Variants in KCNMB3 observed in about 807,000 individuals in gnomAD.
KCNMB3 encodes calcium-activated potassium channel subunit beta-3.
KCNMB3 carries 18 observed loss-of-function variants against 11.9 expected under a neutral mutation model. That is an observed-to-expected ratio of 1.51 (90% confidence interval 1.04 to 2.23). The LOEUF (loss-of-function observed/expected upper bound fraction) is 2.23. Among genes scored for constraint, KCNMB3 ranks in the 30% most tolerant of loss-of-function variants. The pLI is 0.00. For missense variants in KCNMB3, 247 were observed against 329.4 expected (o/e 0.75, Z 1.94); for synonymous variants, 78 against 119.2 (o/e 0.65, Z 2.25).
chr3:179,263,421 G>A (rs1726283129), intron 1 of KCNMB3, among the ~76,000 whole-genome samples: 1 of 152,222 alleles, frequency 6.6e-6, no homozygotes, highest in South Asian at 2.1e-4. Flanking sequence ...TGAGGGAGCC[G>A]GCTCTAGCCT....
chr3:179,265,221 C>T (rs977695983), intron 1 of KCNMB3, among the ~76,000 whole-genome samples: 14 of 152,306 alleles, frequency 9.2e-5, no homozygotes, highest in Non-Finnish European at 1.8e-4. Context: ...TGTAGTCTGT[C>T]TGGTCCTTCT....
chr3:179,250,773 C>G lies in KCNMB3; in HGVS notation c.218G>C (p.Gly73Ala). ...GFSVLMFFLL[G>A]TTILKPFMLS... ...CATAAAAGGCTTTAGAATGGTTGTT[C>G]CGAGCAAGAAGAACATTAGGACTGA... The change falls in exon 1 of 3, where the codon GGA becomes GCA. Residue 73 changes from glycine (G) to alanine (A), a missense_variant. Physicochemically the swap from Gly to Ala is moderately conservative, Grantham distance 60. Around this residue, in one of 2 missense-constraint regions of KCNMB3, gnomAD observed 160 missense variants for 157.5 expected, o/e 1.02. Transcript: ENST00000392685. 6.2e-7 allele frequency: 1 copy of G among 1,614,132 alleles called. No individual in the cohort carries two copies. Among genetic ancestry groups the G allele is most frequent in the Non-Finnish European group, 8.5e-7 (1 of 1,180,036 alleles).
chr3:179,246,861 C>G (rs73882973), intron 1 of KCNMB3, among the ~76,000 whole-genome samples: 12,130 of 152,188 alleles, frequency 0.08, 583 homozygotes, highest in South Asian at 0.14. Flanking sequence ...CACAAGGCCC[C>G]GGTCAGAGCC....
At chr3:179,251,154 C>T, upstream of KCNMB3, 2 of 1,613,424 alleles carry the variant, frequency 1.2e-6, no homozygotes, top group Non-Finnish European at 8.5e-7. Context: ...GATATTGTAG[C>T]AAACAAGCCT....
chr3:179,258,043 C>T (rs1425838574), intron 1 of KCNMB3, among the ~76,000 whole-genome samples: 1 of 152,152 alleles, frequency 6.6e-6, no homozygotes, highest in Non-Finnish European at 1.5e-5. Context: ...CACCACCACG[C>T]CTGGCCAATT....
chr3:179,259,494 T>G lies in KCNMB3; in HGVS notation c.62+7155A>C. On this transcript the variant is annotated intron_variant, in intron 1 of 3. Transcript: ENST00000349697. ...TTCTTGGTCAAGTTTTCCATCCAACTTCATTTTAGGATTCTCTGGACAATC... is the reference window on the plus strand; with the variant it reads ...TTCTTGGTCAAGTTTTCCATCCAACGTCATTTTAGGATTCTCTGGACAATC... 5 of 1,612,630 alleles carry G rather than the reference T, an allele frequency of 3.1e-6. No individual in the cohort carries two copies. The South Asian group carries it at 5.5e-5, about 18-fold the overall frequency.
chr3:179,255,145 A>C (rs1029775221), upstream of KCNMB3, among the ~76,000 whole-genome samples: 1 of 150,482 alleles, frequency 6.6e-6, no homozygotes, highest in Non-Finnish European at 1.5e-5. Context: ...AGTCTGGGCA[A>C]CAGAGCAAGA....
At chr3:179,255,955 C>T (rs1725998131), upstream of KCNMB3, among the ~76,000 whole-genome samples, 1 of 152,118 alleles carries the variant, frequency 6.6e-6, no homozygotes, top group Admixed American at 6.5e-5. Context: ...ACAAAAAAAT[C>T]CTCTCAATGA....
downstream of KCNMB3, chr3:179,240,216 GTTCTT>G (rs1725418809): frequency 1.8e-6 from 1 of 558,674 alleles, no homozygotes. Flanking sequence ...CTGAATTTGA[GTTCTT>G]TTCAGTAATG....
intron 1 of KCNMB3, among the ~76,000 whole-genome samples, chr3:179,256,746 G>A (rs1726023096): frequency 6.6e-6 from 1 of 152,052 alleles, no homozygotes; most frequent in South Asian, 2.1e-4. Context: ...CAATAAAGAA[G>A]AGGGAAAAAC....
Position 179,243,047 on chromosome 3 carries a change from A to C in KCNMB3, c.685T>G (p.Leu229Val), listed in dbSNP as rs759724442. 3 of 1,594,372 alleles carry C rather than the reference A, an allele frequency of 1.9e-6. No individual in the cohort carries two copies. The highest frequency in any genetic ancestry group is 2.6e-6 in the Non-Finnish European group (3 of 1,170,444). ...CACAGTAAGGACAGGTGTTGTGTTAATCTCACCATGCCAACAATCAGGGCA... is the reference window on the plus strand; with the variant it reads ...CACAGTAAGGACAGGTGTTGTGTTACTCTCACCATGCCAACAATCAGGGCA... ...GGALIVGMVR[L>V]TQHLSLLCEK... Residue 229 changes from leucine (L) to valine (V), a missense_variant, in exon 3 of 3, where the codon TTA becomes GTA. By Grantham distance (32) the Leu-to-Val change is conservative (BLOSUM62 1). Transcript: ENST00000392685.
chr3:179,259,877 TGGA>T, intron 1 of KCNMB3: 1 of 1,613,504 alleles, frequency 6.2e-7, no homozygotes, highest in Admixed American at 1.7e-5. Flanking sequence ...CAGTTCCTGC[TGGA>T]GAACCAGGAA....
upstream of KCNMB3, among the ~76,000 whole-genome samples, chr3:179,253,720 C>T (rs757942606): frequency 5.3e-5 from 8 of 152,010 alleles, no homozygotes; most frequent in Non-Finnish European, 5.9e-5. Flanking sequence ...GCAGGAAAAT[C>T]GCTTGAACCC....
At chr3:179,260,216 G>A (rs1726158225) in intron 1 of KCNMB3, 1 of 1,613,694 alleles carries the variant, frequency 6.2e-7, no homozygotes, top group African/African-American at 1.3e-5. Context: ...CACTCCAACA[G>A]TTGGATGGCT....
At chr3:179,260,544 C>T in intron 1 of KCNMB3, 9 of 1,595,166 alleles carry the variant, frequency 5.6e-6, no homozygotes, top group Non-Finnish European at 7.7e-6. Flanking sequence ...CTCCACCTCA[C>T]TGGCTTTCCT....
At chr3:179,254,144 T>C (rs954182775), upstream of KCNMB3, among the ~76,000 whole-genome samples, 1 of 152,200 alleles carries the variant, frequency 6.6e-6, no homozygotes, top group Non-Finnish European at 1.5e-5. Context: ...ATCCGAGGTA[T>C]GTAGTTTAAT....
chr3:179,260,578 G>C (rs1726174120), intron 1 of KCNMB3: 1 of 1,542,102 alleles, frequency 6.5e-7, no homozygotes, highest in Admixed American at 1.7e-5. Flanking sequence ...CTGTCGACTT[G>C]AGGGCATTTA....
At chr3:179,246,058 G>C (rs9872959) in intron 1 of KCNMB3, among the ~76,000 whole-genome samples, 15,309 of 152,222 alleles carry the variant, frequency 0.1, 1,196 homozygotes, top group African/African-American at 0.21. Context: ...GGACTCCTGT[G>C]TTTACTTACC....
At chr3:179,246,240 C>T (rs562552195) in intron 1 of KCNMB3, among the ~76,000 whole-genome samples, 11 of 152,118 alleles carry the variant, frequency 7.2e-5, no homozygotes, top group Admixed American at 2.0e-4. Context: ...GGCGAAACCA[C>T]GTCTTCACTG....
Sources: allele counts gnomAD v4.1 joint callset (sites outside exome capture counted in the v4.1 genomes callset), GRCh38; gene constraint gnomAD v4.1.1; regional missense constraint gnomAD v4.1.1; transcripts MANE v1.5; gene names NCBI Gene and HGNC (gene_info 2026-07-23, HGNC 2026-07-21).